The following PTPRD variants were observed in gnomAD, a reference collection of about 807,000 sequenced individuals.
PTPRD encodes receptor-type tyrosine-protein phosphatase delta.
Under a neutral mutation model 214.5 loss-of-function variants are expected in PTPRD, and 34 were observed. The observed-to-expected ratio is 0.16, with a 90% confidence interval of 0.12 to 0.21. PTPRD has a LOEUF of 0.21. Ranked by LOEUF, PTPRD falls within the 10% of genes least tolerant of loss-of-function variation. PTPRD has a pLI of 1.00. For missense variants in PTPRD, 2,545 were observed against 2,398.7 expected, an observed-to-expected ratio of 1.06 and a Z score of -1.27; for synonymous variants, 1,128 against 845.7, an observed-to-expected ratio of 1.33 and a Z score of -5.79.
intron 7 of PTPRD, among the ~76,000 whole-genome samples, chr9:9,697,293 T>G (rs1430626228): frequency 6.6e-6 from 1 of 152,106 alleles, no homozygotes; most frequent in Non-Finnish European, 1.5e-5. Context: ...TTCAAATGTT[T>G]TCTCTTTGCA....
chr9:9,880,652 G>A (rs1217370637), intron 5 of PTPRD, among the ~76,000 whole-genome samples: 1 of 152,080 alleles, frequency 6.6e-6, no homozygotes, highest in Non-Finnish European at 1.5e-5. Context: ...GTGCTTGTGT[G>A]TGATAAGCAG....
chr9:8,511,678 G>C (rs1455749228), intron 21 of PTPRD, among the ~76,000 whole-genome samples: 1 of 151,760 alleles, frequency 6.6e-6, no homozygotes, highest in Non-Finnish European at 1.5e-5. Flanking sequence ...ATTTACAATA[G>C]GACATGGAAA....
chr9:9,354,708 G>A (rs913692257), intron 9 of PTPRD, among the ~76,000 whole-genome samples: 3 of 151,780 alleles, frequency 2.0e-5, no homozygotes, highest in Admixed American at 1.3e-4. Flanking sequence ...AGGTATCAGG[G>A]TAAGAAGGAT....
At chr9:9,750,539 G>C (rs983594620) in intron 6 of PTPRD, among the ~76,000 whole-genome samples, 2 of 152,054 alleles carry the variant, frequency 1.3e-5, no homozygotes, top group Non-Finnish European at 2.9e-5. Context: ...CTCAGTAAGA[G>C]TTCTTTAAAG....
chr9:9,561,868 T>G (rs879551397), intron 8 of PTPRD, among the ~76,000 whole-genome samples: 5 of 152,218 alleles, frequency 3.3e-5, no homozygotes, highest in Non-Finnish European at 4.4e-5. Flanking sequence ...GAATGGCCCA[T>G]GGCTCAGACT....
chr9:8,846,331 A>T (rs1304207113), intron 11 of PTPRD, among the ~76,000 whole-genome samples: 2 of 152,178 alleles, frequency 1.3e-5, no homozygotes, highest in Non-Finnish European at 2.9e-5. Flanking sequence ...CAACGATAAC[A>T]TCCCAATATT....
chr9:9,929,265 C>A (rs2085485656), intron 5 of PTPRD, among the ~76,000 whole-genome samples: 1 of 152,222 alleles, frequency 6.6e-6, no homozygotes, highest in Admixed American at 6.5e-5. Context: ...TATTCACAAA[C>A]TTGCCCCTTT....
intron 8 of PTPRD, among the ~76,000 whole-genome samples, chr9:9,544,909 G>A (rs1376664668): frequency 6.6e-6 from 1 of 151,664 alleles, no homozygotes; most frequent in Non-Finnish European, 1.5e-5. Flanking sequence ...AGTTGGGATG[G>A]GTTTCTGACT....
intron 4 of PTPRD, among the ~76,000 whole-genome samples, chr9:9,990,637 T>C (rs1322742253): frequency 2.6e-5 from 4 of 152,144 alleles, no homozygotes; most frequent in Non-Finnish European, 5.9e-5. Context: ...AAATAGAAAG[T>C]AGTTTAGCCC....
intron 3 of PTPRD, among the ~76,000 whole-genome samples, chr9:10,238,479 A>T (rs2154360979): frequency 6.6e-6 from 1 of 152,078 alleles, no homozygotes; most frequent in South Asian, 2.1e-4. Flanking sequence ...ACCAAAGATC[A>T]TCCAGCCTGT....
chr9:10,243,297 G>C (rs528974700), intron 3 of PTPRD, among the ~76,000 whole-genome samples: 3 of 152,100 alleles, frequency 2.0e-5, no homozygotes, highest in East Asian at 3.9e-4. Context: ...CACAGCTAAA[G>C]TGGCTATTGC....
intron 11 of PTPRD, among the ~76,000 whole-genome samples, chr9:8,984,615 A>G (rs1002738759): frequency 6.6e-6 from 1 of 152,134 alleles, no homozygotes; most frequent in African/African-American, 2.4e-5. Flanking sequence ...TCTCAGGCAC[A>G]TTAGGCTAAT....
intron 44 of PTPRD, among the ~76,000 whole-genome samples, chr9:8,323,314 T>G (rs556341945): frequency 2.0e-5 from 3 of 152,292 alleles, no homozygotes; most frequent in African/African-American, 4.8e-5. Flanking sequence ...TGCAGCCCAA[T>G]GGATCAAGGA....
rs913410698 is a variant in PTPRD, at chr9:8,713,400, G to A, written c.64+20380C>T. 68 of 1,093,390 alleles carry A rather than the reference G, an allele frequency of 6.2e-5. No homozygotes were observed. In the African/African-American group the frequency reaches 7.8e-4, roughly 12 times the overall value. 67.7% of individuals were successfully genotyped at this position (1,093,390 alleles called of 1,614,324 possible). ...GCCACACACCGCCCCTCTACCGCAT[G>A]CGAATCTTTGCACCTAATCGTGTCG... On this transcript the variant is annotated intron_variant, in intron 12 of 45. Transcript: ENST00000381196.
chr9:10,482,164 G>T (rs1289314240), intron 2 of PTPRD, among the ~76,000 whole-genome samples: 1 of 152,106 alleles, frequency 6.6e-6, no homozygotes, highest in African/African-American at 2.4e-5. Flanking sequence ...GAGGTCAGGA[G>T]ATTGAGACCA....
At chr9:9,016,902 A>G (rs2099537885) in intron 11 of PTPRD, among the ~76,000 whole-genome samples, 1 of 152,110 alleles carries the variant, frequency 6.6e-6, no homozygotes, top group Non-Finnish European at 1.5e-5. Context: ...GAGCAGGAAG[A>G]TAAAGTGGCT....
intron 3 of PTPRD, among the ~76,000 whole-genome samples, chr9:10,208,609 T>A (rs1054071566): frequency 6.6e-6 from 1 of 152,244 alleles, no homozygotes; most frequent in Admixed American, 6.5e-5. Flanking sequence ...AGAAGTTATT[T>A]CATCTTTTAA....
chr9:9,981,005 A>C (rs7022969), intron 4 of PTPRD, among the ~76,000 whole-genome samples: 113,422 of 151,994 alleles, frequency 0.75, 42,962 homozygotes, highest in Middle Eastern at 0.88. Context: ...ATTTAACCTG[A>C]ATATGTTTAG....
At chr9:10,509,662 T>C (rs2047355469) in intron 2 of PTPRD, among the ~76,000 whole-genome samples, 1 of 149,882 alleles carries the variant, frequency 6.7e-6, no homozygotes. Flanking sequence ...TCACCTTGCA[T>C]TGTCTCTACT....
Sources: allele counts gnomAD v4.1 joint callset (sites outside exome capture counted in the v4.1 genomes callset), GRCh38; gene constraint gnomAD v4.1.1; transcripts MANE v1.5; gene names NCBI Gene and HGNC (gene_info 2026-07-23, HGNC 2026-07-21).